CIAO3: variants seen among roughly 807,000 people sequenced by gnomAD.
CIAO3 encodes the protein LET1 like/JFP15.
A neutral mutation model predicts 51.5 loss-of-function variants in CIAO3; 45 were observed. The observed-to-expected ratio is 0.87, with a 90% CI of 0.69 to 1.12. The LOEUF is 1.12. Ranked by LOEUF, CIAO3 falls within the 50% of genes most tolerant of loss-of-function variation. The pLI, the probability that CIAO3 is intolerant of heterozygous loss-of-function variation, is 0.00. For synonymous variants in CIAO3, 314 were observed against 269.3 expected (o/e 1.17, Z -1.63); for missense variants, 668 against 632.5 (o/e 1.06, Z -0.60).
chr16:736,326 G>T lies in CIAO3; in HGVS notation c.379C>A (p.Arg127=), dbSNP rs149877092. 1 of 1,613,038 alleles carries T rather than the reference G, an allele frequency of 6.2e-7. No homozygotes were observed. Among genetic ancestry groups the T allele is most frequent in the Non-Finnish European group, 8.5e-7 (1 of 1,179,816 alleles). The change falls in exon 4 of 11, where the codon CGG becomes AGG. Residue 127 remains arginine, a synonymous_variant. Transcript: ENST00000251588. ...GTATCTGTAGGATTCAGCTGAAACC[G>T]TGCAGCCAGCGATGCTCTAGACTGT... ...SPQSRASLAA[R]FQLNPTDTAR...
At position 737,103 on chromosome 16, in the gene CIAO3, G is replaced by T; in HGVS notation, c.306+83C>A. ...CGCACGACGGACGTCGGCACCACAC[G>T]AGCTGCCCTTGGCAAAACGCGTTGT... On this transcript the variant is annotated intron_variant, in intron 3 of 10. Coordinates refer to ENST00000251588, the MANE Select transcript of CIAO3 (RefSeq NM_022493.3). The surrounding 1 kb of genome is among the most constrained non-coding windows in gnomAD (Gnocchi z 5.3). 6.3e-7 allele frequency: 1 copy of T among 1,584,136 alleles called. No individual in the cohort carries two copies. Among genetic ancestry groups the T allele is most frequent in the South Asian group, 1.1e-5 (1 of 90,010 alleles).
intron 1 of CIAO3, chr16:740,122 C>T (rs1401625772): frequency 7.6e-6 from 10 of 1,307,346 alleles, no homozygotes; most frequent in South Asian, 1.2e-5. Flanking sequence ...AGACCACCTC[C>T]TGCTCAGTGC....
chr16:733,703 C>T (rs1036095868), intron 6 of CIAO3: 43 of 465,704 alleles, frequency 9.2e-5, no homozygotes, highest in Non-Finnish European at 1.1e-4. Context: ...CGGCTCGGGC[C>T]GTCTCACTGC....
chr16:733,666 TC>T, intron 6 of CIAO3: 1 of 546,058 alleles, frequency 1.8e-6, no homozygotes, highest in Non-Finnish European at 3.2e-6. Flanking sequence ...AACAGCCAAG[TC>T]CAGCGGAGGA....
intron 7 of CIAO3, chr16:732,790 A>G (rs1039435363): frequency 1.5e-5 from 5 of 336,296 alleles, no homozygotes; most frequent in African/African-American, 8.6e-5. Context: ...GAGCACCACC[A>G]CTACTCCCGG....
chr16:731,927 G>A lies in CIAO3; in HGVS notation c.897-225C>T, dbSNP rs545723573. 9.9e-6 allele frequency: 6 copies of A among 607,044 alleles called. No individual in the cohort carries two copies. The African/African-American group carries it at 1.1e-4, about 11-fold the overall frequency. 37.6% of individuals were successfully genotyped at this position (607,044 alleles called of 1,614,324 possible). A position where few individuals can be genotyped will look rare whatever the true frequency, so the allele number is the denominator to read the frequency against. Reference sequence around the variant, plus strand: ...TCTGTCGCCCAGGCTGGAGTGCAGTGGCGTGATCTTGGCTCACTGCAAGCT... The same window carrying A: ...TCTGTCGCCCAGGCTGGAGTGCAGTAGCGTGATCTTGGCTCACTGCAAGCT... On this transcript the variant is annotated intron_variant, in intron 8 of 10. Coordinates refer to ENST00000251588, the MANE Select transcript of CIAO3 (RefSeq NM_022493.3).
At chr16:733,594 G>T in intron 6 of CIAO3, 167 bp from the exon 7 acceptor site, 1 of 988,866 alleles carries the variant, frequency 1.0e-6, no homozygotes, top group Non-Finnish European at 1.5e-6. Flanking sequence ...TCCCTGGACA[G>T]GACGGGCCCT....
At chr16:733,506 TGCAGCCAGGCC>T in intron 6 of CIAO3, 79 bp from the exon 7 acceptor site, 1 of 1,598,202 alleles carries the variant, frequency 6.3e-7, no homozygotes, top group Non-Finnish European at 8.5e-7. Flanking sequence ...TCAGCCATCC[TGCAGCCAGGCC>T]GGACCCCGAG....
intron 1 of CIAO3, 133 bp downstream of exon 1, chr16:740,787 C>A (rs1327276422): frequency 1.1e-6 from 1 of 907,008 alleles, no homozygotes; most frequent in Non-Finnish European, 1.7e-6. Context: ...CGATAGAGTC[C>A]CTGACGGCCC....
intron 9 of CIAO3, chr16:731,355 A>G (rs1405223967): frequency 1.5e-6 from 1 of 671,548 alleles, no homozygotes; most frequent in East Asian, 3.0e-5. Flanking sequence ...ATCCCCCACA[A>G]TGGGCCGACT....
chr16:736,178 T>A, intron 4 of CIAO3, 88 bp downstream of exon 4: 1 of 1,530,280 alleles, frequency 6.5e-7, no homozygotes, highest in Non-Finnish European at 8.9e-7. Flanking sequence ...GGGTAGCGTG[T>A]CAGTGACTCA....
chr16:737,227 G>A lies in CIAO3; in HGVS notation c.265C>T (p.Gln89Ter). Residue 89 changes from glutamine to a stop codon, truncating the protein, a stop_gained, in exon 3 of 11, where the codon CAG becomes TAG. Coordinates refer to ENST00000251588, the MANE Select transcript of CIAO3 (RefSeq NM_022493.3). LOFTEE classifies it high-confidence loss of function. The surrounding 1 kb of genome is among the most constrained non-coding windows in gnomAD (Gnocchi z 5.3). ...TSAETVLITQQSHEELKKVLD... is the reference protein window; with the variant it reads ...TSAETVLITQ Reference sequence around the variant, plus strand: ...ACCTTCTTCAGCTCCTCGTGGCTCTGCTGGGTGATAAGCACGGTCTCTGCG... The same window carrying A: ...ACCTTCTTCAGCTCCTCGTGGCTCTACTGGGTGATAAGCACGGTCTCTGCG... The A allele has an allele frequency of 6.2e-7, 1 of 1,613,750 alleles. No individual in the cohort carries two copies. Among genetic ancestry groups the A allele is most frequent in the Non-Finnish European group, 8.5e-7 (1 of 1,180,018 alleles).
At chr16:740,445 C>A (rs2041379428) in intron 1 of CIAO3, 2 of 310,186 alleles carry the variant, frequency 6.4e-6, no homozygotes, top group Admixed American at 8.5e-5. Flanking sequence ...CCACCGCACC[C>A]GTTTATGCAG....
rs2041352674 is a variant in CIAO3 at position 737,625 on chromosome 16, G to T, written c.163-296C>A. ...AGCAGCCACCCCACTCACCCATGGG[G>T]CCCTGGACGGGGTGCTGGCCCCGGT... On this transcript the variant is annotated intron_variant, in intron 2 of 10. Transcript: ENST00000251588. This position sits in a 1 kb window ranked among gnomAD's most constrained non-coding sequence, Gnocchi z 5.3. 2 of 1,381,158 alleles carry T rather than the reference G, an allele frequency of 1.4e-6. No homozygotes were observed. The highest frequency in any genetic ancestry group is 2.2e-5 in the Admixed American group (1 of 46,058). The allele number at this position is 1,381,158 out of a possible 1,614,324, so 85.6% of individuals were successfully genotyped here. A position where few individuals can be genotyped will look rare whatever the true frequency, so the allele number is the denominator to read the frequency against.
Position 731,148 on chromosome 16 carries a change from G to A in CIAO3, c.1035-148C>T, listed in dbSNP as rs188964973. 323 of 1,024,762 alleles carry A rather than the reference G, an allele frequency of 3.2e-4. No individual in the cohort carries two copies. The African/African-American group carries it at 4.3e-3, about 14-fold the overall frequency. 63.5% of individuals were successfully genotyped at this position (1,024,762 alleles called of 1,614,324 possible). A position where few individuals can be genotyped will look rare whatever the true frequency, so the allele number is the denominator to read the frequency against. ...CCTGGGCAGAGGGAAGGACAAGAAC[G>A]GAGAGAGAGGGTGGAAGGCTCACTT... On this transcript the variant is annotated intron_variant, in intron 9 of 10. Transcript: ENST00000251588.
intron 2 of CIAO3, 197 bp downstream of exon 2, chr16:739,446 C>T: frequency 1.6e-6 from 1 of 614,724 alleles, no homozygotes; most frequent in Non-Finnish European, 2.9e-6. Context: ...AGCTGTTTGG[C>T]CTGGGTGCTG....
intron 2 of CIAO3, among the ~76,000 whole-genome samples, chr16:738,709 G>A (rs1033416552): frequency 2.0e-5 from 3 of 150,952 alleles, no homozygotes; most frequent in Non-Finnish European, 4.4e-5. Flanking sequence ...GTGCAGTGGA[G>A]CAATCTTGGT....
chr16:738,735 T>A (rs958875158), intron 2 of CIAO3, among the ~76,000 whole-genome samples: 5 of 150,982 alleles, frequency 3.3e-5, no homozygotes, highest in Admixed American at 6.6e-5. Context: ...GCAGTCCCTA[T>A]CTCCCAGGTT....
rs1285752747 is a variant in CIAO3, at chr16:737,586, T to C, written c.163-257A>G. ...TCACAGGACTAAGGCTTGCCACTGG[T>C]ATCTCAGCAAAGCAGCAGCCACCCC... is the stretch of plus-strand genomic sequence containing the variant. On this transcript the variant is annotated intron_variant, in intron 2 of 10. Transcript: ENST00000251588. The surrounding 1 kb of genome is among the most constrained non-coding windows in gnomAD (Gnocchi z 5.3). 1.1e-5 allele frequency: 16 copies of C among 1,449,232 alleles called. No individual in the cohort carries two copies. Among genetic ancestry groups the C allele is most frequent in the Non-Finnish European group, 1.4e-5 (15 of 1,092,506 alleles). The allele number at this position is 1,449,232 out of a possible 1,614,324, so 89.8% of individuals were successfully genotyped here.
Sources: gnomAD v4.1 joint callset for allele counts (sites outside exome capture counted in the v4.1 genomes callset) on GRCh38, gnomAD v4.1.1 for gene constraint, Gnocchi (gnomAD v3.1) non-coding constraint, MANE v1.5 for transcripts, NCBI Gene and HGNC (gene_info 2026-07-23, HGNC 2026-07-21) for gene names.